TTC7B: variants seen among roughly 807,000 people sequenced by gnomAD.
TTC7B encodes tetratricopeptide repeat protein 7B.
A neutral mutation model predicts 106.8 loss-of-function variants in TTC7B; 28 were observed. The ratio of observed to expected loss-of-function variants is 0.26; its 90% CI spans 0.19 to 0.36. TTC7B has a LOEUF of 0.36. Ranked by LOEUF, TTC7B falls within the 10% of genes least tolerant of loss-of-function variation. The pLI is 1.00. For synonymous variants in TTC7B, 405 were observed against 430.6 expected, an observed-to-expected ratio of 0.94 and a Z score of 0.74; for missense variants, 862 against 1,076.4, an observed-to-expected ratio of 0.80 and a Z score of 2.79.
chr14:90,687,025 A>G (rs935712115), intron 7 of TTC7B, among the ~76,000 whole-genome samples: 5 of 151,898 alleles, frequency 3.3e-5, no homozygotes, highest in African/African-American at 4.8e-5. Flanking sequence ...GGACAAGCTA[A>G]AATTCATATG....
chr14:90,701,142 A>T (rs950679208), intron 5 of TTC7B, among the ~76,000 whole-genome samples: 2 of 152,134 alleles, frequency 1.3e-5, no homozygotes, highest in Admixed American at 1.3e-4. Flanking sequence ...CAGCCTGGAT[A>T]TAGTGACGGA....
chr14:90,745,100 A>C (rs903556415), intron 3 of TTC7B, among the ~76,000 whole-genome samples, 178 bp from the exon 4 acceptor site: 1 of 152,070 alleles, frequency 6.6e-6, no homozygotes, highest in East Asian at 1.9e-4. Flanking sequence ...GCCTTATTGC[A>C]CTGGCAGGAA....
chr14:90,712,992 T>TA (rs1595308399), intron 5 of TTC7B, among the ~76,000 whole-genome samples: 1 of 152,314 alleles, frequency 6.6e-6, no homozygotes, highest in African/African-American at 2.4e-5. Flanking sequence ...TATTTTTTTT[T>TA]ACTAACGTGT....
chr14:90,641,431 C>T (rs1376327248), intron 15 of TTC7B, among the ~76,000 whole-genome samples: 1 of 152,166 alleles, frequency 6.6e-6, no homozygotes, highest in Admixed American at 6.5e-5. Flanking sequence ...ACAAGCTTGT[C>T]ACAAACAAAC....
intron 3 of TTC7B, among the ~76,000 whole-genome samples, chr14:90,758,842 C>T (rs1890407584): frequency 6.6e-6 from 1 of 152,218 alleles, no homozygotes. Context: ...CACTCCCCTT[C>T]TCAAATGGGG....
intron 15 of TTC7B, among the ~76,000 whole-genome samples, chr14:90,636,182 A>T (rs910190573): frequency 1.3e-5 from 2 of 152,100 alleles, no homozygotes; most frequent in Admixed American, 6.5e-5. Context: ...ATATGTGTAT[A>T]TGTATACATG....
intron 1 of TTC7B, among the ~76,000 whole-genome samples, chr14:90,792,305 G>A (rs965111486): frequency 2.6e-5 from 4 of 152,116 alleles, no homozygotes; most frequent in Non-Finnish European, 2.9e-5. Flanking sequence ...GGCAGGGTGC[G>A]GTGGCTCACG....
At chr14:90,692,663 T>C (rs1300544611) in intron 6 of TTC7B, among the ~76,000 whole-genome samples, 1 of 152,192 alleles carries the variant, frequency 6.6e-6, no homozygotes, top group East Asian at 1.9e-4. Context: ...TCAGTTACTT[T>C]CATTGTGCTT....
At chr14:90,701,709 T>TACACACACACAC (rs949706676) in intron 5 of TTC7B, among the ~76,000 whole-genome samples, 1 of 150,088 alleles carries the variant, frequency 6.7e-6, no homozygotes, top group African/African-American at 2.5e-5. Flanking sequence ...TATATATATA[T>TACACACACACAC]ACACACACAC....
rs117578230 is a variant in TTC7B, at chr14:90,608,947, C to T, written c.1966+1795G>A. On this transcript the variant is annotated intron_variant, in intron 17 of 19. Coordinates refer to ENST00000328459, the MANE Select transcript of TTC7B (RefSeq NM_001010854.2). The surrounding 1 kb of genome is among the most constrained non-coding windows in gnomAD (Gnocchi z 5.1). ...AGGAGGGAGAAAAGTGGGGAGACGGCGCTGGGTAGCCACAGCAGCTGTTTT... is the reference window on the plus strand; with the variant it reads ...AGGAGGGAGAAAAGTGGGGAGACGGTGCTGGGTAGCCACAGCAGCTGTTTT... 1.3e-3 allele frequency among the ~76,000 whole-genome samples: 205 copies of T among 152,278 alleles called. No homozygotes were observed. The highest frequency in any genetic ancestry group is 2.4e-3 in the Non-Finnish European group (160 of 68,012).
At chr14:90,571,756 G>C in intron 19 of TTC7B, among the ~76,000 whole-genome samples, 1 of 152,240 alleles carries the variant, frequency 6.6e-6, no homozygotes, top group East Asian at 1.9e-4. Context: ...TTGGGCCTGG[G>C]CCTTATCCAG....
At chr14:90,794,207 A>ACTTTTTTTTT (rs1566891563) in intron 1 of TTC7B, among the ~76,000 whole-genome samples, 2 of 130,618 alleles carry the variant, frequency 1.5e-5, no homozygotes, top group South Asian at 2.4e-4. Context: ...CTGGCTGGGT[A>ACTTTTTTTTT]TTTCTTTTTT....
chr14:90,542,009 G>T (rs533539876), intron 19 of TTC7B, among the ~76,000 whole-genome samples: 3,018 of 152,218 alleles, frequency 0.02, 111 homozygotes, highest in African/African-American at 0.07. Context: ...GCGCGATCTT[G>T]GCTCACTGCA....
At chr14:90,660,947 C>T (rs1886178591) in intron 9 of TTC7B, among the ~76,000 whole-genome samples, 4 of 152,240 alleles carry the variant, frequency 2.6e-5, no homozygotes, top group Admixed American at 2.6e-4. Flanking sequence ...TCAGGGCTGG[C>T]TGCGGGCCTC....
At chr14:90,724,529 C>A (rs1264573329) in intron 5 of TTC7B, among the ~76,000 whole-genome samples, 1 of 152,138 alleles carries the variant, frequency 6.6e-6, no homozygotes, top group Non-Finnish European at 1.5e-5. Context: ...CGAGTGAGTT[C>A]TCATGCGAAC....
At chr14:90,636,248 A>G (rs1884937378) in intron 15 of TTC7B, among the ~76,000 whole-genome samples, 1 of 152,256 alleles carries the variant, frequency 6.6e-6, no homozygotes, top group East Asian at 1.9e-4. Context: ...GGCTACACAT[A>G]TATATGTATG....
At chr14:90,579,880 A>G (rs889526836) in intron 18 of TTC7B, among the ~76,000 whole-genome samples, 1 of 152,262 alleles carries the variant, frequency 6.6e-6, no homozygotes, top group African/African-American at 2.4e-5. Flanking sequence ...TTACCCTGTC[A>G]TCCCCTGGAG....
At chr14:90,547,970 AGTCCT>A (rs1889908323) in intron 19 of TTC7B, among the ~76,000 whole-genome samples, 1 of 152,192 alleles carries the variant, frequency 6.6e-6, no homozygotes, top group South Asian at 2.1e-4. Context: ...GCTGAAAAGA[AGTCCT>A]GTGGCCCAGC....
chr14:90,689,246 G>A (rs564576628), intron 7 of TTC7B, among the ~76,000 whole-genome samples: 2 of 152,184 alleles, frequency 1.3e-5, no homozygotes, highest in Non-Finnish European at 2.9e-5. Flanking sequence ...GTCTGATGCT[G>A]AGGTCTTATA....
Sources: allele counts gnomAD v4.1 joint callset (sites outside exome capture counted in the v4.1 genomes callset), GRCh38; gene constraint gnomAD v4.1.1; non-coding constraint Gnocchi (gnomAD v3.1); transcripts MANE v1.5; gene names NCBI Gene and HGNC (gene_info 2026-07-23, HGNC 2026-07-21).